BMP2K: variants seen among roughly 807,000 people sequenced by gnomAD.
The protein encoded by BMP2K is BMP-2-inducible protein kinase.
Under a neutral mutation model 116.0 loss-of-function variants are expected in BMP2K, and 74 were observed. The observed-to-expected ratio is 0.64, with a 90% CI of 0.53 to 0.77. BMP2K has a LOEUF of 0.77. Ranked by LOEUF, BMP2K falls within the 30% of genes least tolerant of loss-of-function variation. The probability of loss-of-function intolerance (pLI) is 0.00; values close to 1 mark genes in which losing one functional copy is unlikely to be tolerated. For synonymous variants in BMP2K, 486 were observed against 502.5 expected (o/e 0.97, Z 0.44); for missense variants, 1,365 against 1,403.6 (o/e 0.97, Z 0.44).
At chr4:78,849,153 G>A (rs1178300755) in intron 6 of BMP2K, among the ~76,000 whole-genome samples, 5 of 150,876 alleles carry the variant, frequency 3.3e-5, no homozygotes, top group African/African-American at 4.9e-5. Flanking sequence ...TTTTTATCCC[G>A]AGATTTAGGA....
chr4:78,831,308 G>A (rs1244571584), intron 2 of BMP2K, among the ~76,000 whole-genome samples: 3 of 152,196 alleles, frequency 2.0e-5, no homozygotes, highest in Non-Finnish European at 4.4e-5. Context: ...GGCAAAGTTT[G>A]AAATAGTATG....
At chr4:78,800,628 T>C (rs1728519891) in intron 1 of BMP2K, among the ~76,000 whole-genome samples, 1 of 152,206 alleles carries the variant, frequency 6.6e-6, no homozygotes, top group Admixed American at 6.5e-5. Context: ...TTATTTTGTA[T>C]TCTGTAATAA....
At chr4:78,883,867 G>A (rs961665341) in intron 14 of BMP2K, among the ~76,000 whole-genome samples, 1 of 152,090 alleles carries the variant, frequency 6.6e-6, no homozygotes, top group African/African-American at 2.4e-5. Flanking sequence ...TTCGAGACTA[G>A]CCTGAGCAAT....
chr4:78,847,241 A>G lies in BMP2K; in HGVS notation c.722A>G (p.Lys241Arg), dbSNP rs773116086. 6.3e-7 allele frequency: 1 copy of G among 1,594,814 alleles called. No individual in the cohort carries two copies. Among genetic ancestry groups the G allele is most frequent in the Non-Finnish European group, 8.6e-7 (1 of 1,169,362 alleles). ...APEMINLYGG[K>R]PITTKADIWA... ...GAAATGATCAACCTTTATGGAGGGA[A>G]ACCCATCACCACCAAGGCTGATATC... The change falls in exon 6 of 16, where the codon AAA becomes AGA. Residue 241 changes from lysine (K) to arginine (R), a missense_variant. Around this residue, in one of 3 missense-constraint regions of BMP2K, gnomAD observed 762 missense variants for 756.7 expected, o/e 1.01. Coordinates refer to ENST00000502613, the MANE Select transcript of BMP2K (RefSeq NM_198892.2).
At chr4:78,811,408 T>C (rs1332865640) in intron 1 of BMP2K, among the ~76,000 whole-genome samples, 8 of 152,336 alleles carry the variant, frequency 5.3e-5, no homozygotes, top group Admixed American at 5.2e-4. Flanking sequence ...TTAATGCTAT[T>C]AATTTATATT....
intron 15 of BMP2K, among the ~76,000 whole-genome samples, chr4:78,889,328 G>C (rs1028852923): frequency 1.3e-5 from 2 of 150,832 alleles, no homozygotes; most frequent in African/African-American, 2.4e-5. Flanking sequence ...TATGAAAAAA[G>C]TATATAGACT....
At chr4:78,855,890 A>C (rs1731484881) in intron 7 of BMP2K, among the ~76,000 whole-genome samples, 1 of 152,126 alleles carries the variant, frequency 6.6e-6, no homozygotes, top group Non-Finnish European at 1.5e-5. Flanking sequence ...ATTCAGTGGT[A>C]ATGGTCTTGT....
chr4:78,904,727 T>A (rs17003492), intron 15 of BMP2K, among the ~76,000 whole-genome samples: 10,498 of 151,940 alleles, frequency 0.069, 509 homozygotes, highest in East Asian at 0.22. Context: ...TGTTGAGACT[T>A]GTATTCTGTT....
intron 8 of BMP2K, chr4:78,860,191 G>T: frequency 9.6e-6 from 4 of 415,626 alleles, no homozygotes; most frequent in South Asian, 7.6e-5. Flanking sequence ...AGTCAGAAAG[G>T]TGGGAAGCGG....
chr4:78,908,711 G>T (rs1280242848), intron 15 of BMP2K, among the ~76,000 whole-genome samples: 1 of 151,986 alleles, frequency 6.6e-6, no homozygotes, highest in Non-Finnish European at 1.5e-5. Context: ...AAAATTTTTA[G>T]TACTCCTCTT....
At chr4:78,829,772 TTTCTTTTCTTTTCTTTTCTCTTCTC>T (rs1730073013) in intron 2 of BMP2K, among the ~76,000 whole-genome samples, 5 of 100,196 alleles carry the variant, frequency 5.0e-5, no homozygotes, top group South Asian at 3.4e-4. Flanking sequence ...TTTCTTTTCT[TTTCTTTTCTTTTCTTTTCTCTTCTC>T]TTCTCTTCTC....
At chr4:78,785,841 T>G (rs1727700939) in intron 1 of BMP2K, among the ~76,000 whole-genome samples, 1 of 152,226 alleles carries the variant, frequency 6.6e-6, no homozygotes, top group Non-Finnish European at 1.5e-5. Context: ...TCAGACTCTT[T>G]CCTTGCCAAA....
chr4:78,872,896 T>G, intron 13 of BMP2K, 98 bp downstream of exon 13: 1 of 1,294,370 alleles, frequency 7.7e-7, no homozygotes, highest in Non-Finnish European at 1.1e-6. Flanking sequence ...AGTTTAGAAT[T>G]TATCTTTCTG....
intron 1 of BMP2K, among the ~76,000 whole-genome samples, chr4:78,788,299 T>C (rs1727830767): frequency 6.6e-6 from 1 of 152,156 alleles, no homozygotes. Context: ...GCATAGGCTT[T>C]TGATGGTGTC....
At chr4:78,853,427 A>G (rs1731352213) in intron 7 of BMP2K, among the ~76,000 whole-genome samples, 1 of 152,142 alleles carries the variant, frequency 6.6e-6, no homozygotes, top group Admixed American at 6.6e-5. Flanking sequence ...TAACTCTCCC[A>G]ATAGACAAGT....
rs1046226406 is a variant in BMP2K, at chr4:78,826,890, A to G, written c.297+735A>G. On this transcript the variant is annotated intron_variant, in intron 2 of 15. Transcript: ENST00000502613. ...CATCCAGCTTAAGAAATTAAACCCT[A>G]CAAATACTGCTGGAGCCTTCTTTGT... Among the ~76,000 whole-genome samples the G allele has an allele frequency of 3.3e-5, 5 of 152,160 alleles. No homozygotes were observed. In the East Asian group the frequency reaches 9.6e-4, roughly 29 times the overall value.
intron 1 of BMP2K, among the ~76,000 whole-genome samples, chr4:78,821,465 G>T (rs1729614450): frequency 6.6e-6 from 1 of 152,172 alleles, no homozygotes; most frequent in Non-Finnish European, 1.5e-5. Flanking sequence ...GTCTTGAGTT[G>T]AGGTGGGGGG....
At chr4:78,901,212 T>TA (rs1733985344) in intron 15 of BMP2K, among the ~76,000 whole-genome samples, 1 of 151,380 alleles carries the variant, frequency 6.6e-6, no homozygotes, top group African/African-American at 2.4e-5. Flanking sequence ...CTCAGCTACT[T>TA]TTTTATTTTA....
chr4:78,812,959 G>A (rs773975491), intron 1 of BMP2K, among the ~76,000 whole-genome samples: 9 of 151,820 alleles, frequency 5.9e-5, no homozygotes, highest in South Asian at 4.2e-4. Context: ...TGGGAGGATC[G>A]CTTGAGCCTG....
Sources: gnomAD v4.1 joint callset for allele counts (sites outside exome capture counted in the v4.1 genomes callset) on GRCh38, gnomAD v4.1.1 for gene constraint, gnomAD v4.1.1 regional missense constraint, MANE v1.5 for transcripts, NCBI Gene and HGNC (gene_info 2026-07-23, HGNC 2026-07-21) for gene names.